MROH2A: variants seen among roughly 807,000 people sequenced by gnomAD.
The protein encoded by MROH2A is maestro heat-like repeat-containing protein family member 2A.
MROH2A carries 174 observed loss-of-function variants against 200.4 expected under a neutral mutation model. That is an observed-to-expected ratio of 0.87 (90% confidence interval 0.77 to 0.98). MROH2A has a LOEUF of 0.98. Among genes scored for constraint, MROH2A ranks in the 50% least tolerant of loss-of-function variants. The pLI is 0.00. For missense variants in MROH2A, 2,045 were observed against 2,139.6 expected, an observed-to-expected ratio of 0.96 and a Z score of 0.87; for synonymous variants, 829 against 840.4, an observed-to-expected ratio of 0.99 and a Z score of 0.23.
chr2:233,795,521 G>A lies in MROH2A; in HGVS notation c.967-132G>A, dbSNP rs555463587. 1.1e-4 allele frequency: 150 copies of A among 1,393,676 alleles called. 1 individual carries two copies. The South Asian group carries it at 1.9e-3, about 18-fold the overall frequency. The allele number at this position is 1,393,676 out of a possible 1,614,324, so 86.3% of individuals were successfully genotyped here. Reference sequence around the variant, plus strand: ...AGCAGGACTGGGGTAGGGCCTGAGAGTCTGCATTTCTAATCAGCTCCCAGG... The same window carrying A: ...AGCAGGACTGGGGTAGGGCCTGAGAATCTGCATTTCTAATCAGCTCCCAGG... On this transcript the variant is annotated intron_variant, in intron 8 of 41. Transcript: ENST00000389758.
At chr2:233,788,764 C>G (rs1031339278) in intron 3 of MROH2A, among the ~76,000 whole-genome samples, 3 of 151,362 alleles carry the variant, frequency 2.0e-5, no homozygotes, top group Admixed American at 6.6e-5. Context: ...GGTGAAACCC[C>G]GTCTCTACTA....
intron 22 of MROH2A, among the ~76,000 whole-genome samples, chr2:233,809,929 G>A (rs7578213): frequency 0.024 from 3,617 of 151,992 alleles, 141 homozygotes; most frequent in African/African-American, 0.083. Context: ...CCCAGCCCTG[G>A]CAACCACCTT....
intron 38 of MROH2A, among the ~76,000 whole-genome samples, chr2:233,830,478 G>T (rs1704651839): frequency 6.6e-6 from 1 of 152,220 alleles, no homozygotes; most frequent in Non-Finnish European, 1.5e-5. Flanking sequence ...TAACATGAAA[G>T]AAATGCAATG....
chr2:233,789,753 C>G (rs933059840), intron 4 of MROH2A, 99 bp from the exon 5 acceptor site: 2 of 1,478,560 alleles, frequency 1.4e-6, no homozygotes, highest in Non-Finnish European at 1.8e-6. Context: ...AGGCTGAGCC[C>G]AAGGGAACCA....
intron 22 of MROH2A, 29 bp downstream of exon 22, chr2:233,809,307 T>C (rs1287407890): frequency 1.3e-6 from 2 of 1,544,772 alleles, no homozygotes; most frequent in African/African-American, 2.7e-5. Context: ...TGGGGGGATG[T>C]CTTCTGGACC....
intron 31 of MROH2A, among the ~76,000 whole-genome samples, chr2:233,821,395 G>T (rs1703927566): frequency 6.6e-6 from 1 of 152,068 alleles, no homozygotes; most frequent in South Asian, 2.1e-4. Context: ...CAGGCCCCCA[G>T]GCACATCTCC....
chr2:233,789,460 G>A (rs1414156632), intron 3 of MROH2A, 37 bp from the exon 4 acceptor site: 1 of 1,366,038 alleles, frequency 7.3e-7, no homozygotes, highest in Non-Finnish European at 9.5e-7. Flanking sequence ...CTGGGGGCAG[G>A]GTGAGGTCCA....
At chr2:233,792,466 A>C (rs551732980) in intron 5 of MROH2A, among the ~76,000 whole-genome samples, 52 of 152,010 alleles carry the variant, frequency 3.4e-4, no homozygotes, top group South Asian at 2.1e-3. Flanking sequence ...GCGCCTGCCA[A>C]CACGCCCGGC....
In MROH2A at chr2:233,796,228, G is replaced by A; in HGVS notation, c.1167G>A (p.Lys389=). Residue 389 remains lysine (K), a synonymous_variant, in exon 11 of 42, where the codon AAG becomes AAA. Transcript: ENST00000389758. ...GCTCCTACCCCAAGGAGCTGATGAA[G>A]TTCTTCTTCAGCCAGATGGAGACAA... The part of the protein sequence containing the change: ...LARSYPKELM[K]FFFSQMETNK... 6.5e-7 allele frequency: 1 copy of A among 1,548,520 alleles called. No individual in the cohort carries two copies. Among genetic ancestry groups the A allele is most frequent in the Non-Finnish European group, 8.7e-7 (1 of 1,145,904 alleles).
In MROH2A at chr2:233,820,506, C is replaced by A. The variant is rs1703865840; in HGVS notation, c.3512+450C>A. Among the ~76,000 whole-genome samples, 1 of 152,160 alleles carries A rather than the reference C, an allele frequency of 6.6e-6. No homozygotes were observed. Among genetic ancestry groups the A allele is most frequent in the African/African-American group, 2.4e-5 (1 of 41,436 alleles). ...GTCTCCAAGGGGAGAATGGCCCAAC[C>A]TCCAGCCCCAGAGGTGGCCATGAGT... is the stretch of plus-strand genomic sequence containing the variant. On this transcript the variant is annotated intron_variant, in intron 31 of 41. Transcript: ENST00000389758. The surrounding 1 kb of genome is among the most constrained non-coding windows in gnomAD (Gnocchi z 4.1).
chr2:233,822,387 A>T lies in MROH2A; in HGVS notation c.3697A>T (p.Ile1233Phe). The part of the protein sequence containing the change: ...LMTLCTIHLL[I>F]QKLDENDKLP... ...GACCCTGTGCACCATCCACCTTCTCATTCAGAAGCTGGATGAGAATGACAA... is the reference window on the plus strand; with the variant it reads ...GACCCTGTGCACCATCCACCTTCTCTTTCAGAAGCTGGATGAGAATGACAA... The change falls in exon 33 of 42, where the codon ATT becomes TTT. Residue 1233 changes from isoleucine (I) to phenylalanine (F), a missense_variant. Coordinates refer to ENST00000389758, the MANE Select transcript of MROH2A (RefSeq NM_001394639.1). 1 of 1,550,848 alleles carries T rather than the reference A, an allele frequency of 6.4e-7. No homozygotes were observed. The highest frequency in any genetic ancestry group is 8.7e-7 in the Non-Finnish European group (1 of 1,146,944).
Position 233,828,814 on chromosome 2 carries a change from G to T in MROH2A, c.4263+35G>T, listed in dbSNP as rs369132226. 3.9e-6 allele frequency: 6 copies of T among 1,549,088 alleles called. No homozygotes were observed. The highest frequency in any genetic ancestry group is 5.2e-6 in the Non-Finnish European group (6 of 1,146,004). ...CTGGCCCTGGGCCCAGGTCCCGGGAGCTGAGGGTGCAGGCCGGGTGCCCTG... is the reference window on the plus strand; with the variant it reads ...CTGGCCCTGGGCCCAGGTCCCGGGATCTGAGGGTGCAGGCCGGGTGCCCTG... On this transcript the variant is annotated intron_variant, in intron 36 of 41. Transcript: ENST00000389758. This position sits in a 1 kb window ranked among gnomAD's most constrained non-coding sequence, Gnocchi z 4.6.
intron 11 of MROH2A, among the ~76,000 whole-genome samples, chr2:233,797,781 A>G (rs1422024960): frequency 6.6e-6 from 1 of 150,868 alleles, no homozygotes; most frequent in Non-Finnish European, 1.5e-5. Context: ...TCCCCTCCCT[A>G]TGTCCATGTG....
chr2:233,821,458 A>G (rs17863818), intron 31 of MROH2A, among the ~76,000 whole-genome samples: 5,344 of 152,312 alleles, frequency 0.035, 122 homozygotes, highest in Non-Finnish European at 0.054. Flanking sequence ...TGTGGGTTCC[A>G]ATAGTCAGTT....
intron 31 of MROH2A, among the ~76,000 whole-genome samples, chr2:233,821,736 G>A (rs995259413): frequency 6.6e-6 from 1 of 151,068 alleles, no homozygotes. Flanking sequence ...TCAAAGATGT[G>A]TTGGGAGGGT....
intron 38 of MROH2A, among the ~76,000 whole-genome samples, chr2:233,830,487 T>TTA (rs1704653535): frequency 6.6e-6 from 1 of 152,110 alleles, no homozygotes; most frequent in African/African-American, 2.4e-5. Flanking sequence ...AGAAATGCAA[T>TTA]GGTCATTTTC....
intron 3 of MROH2A, among the ~76,000 whole-genome samples, chr2:233,780,312 A>T (rs1449063028): frequency 6.6e-6 from 1 of 152,168 alleles, no homozygotes; most frequent in African/African-American, 2.4e-5. Context: ...TTTGGACTAG[A>T]CAAGGGTTTG....
At chr2:233,803,527 G>T (rs767959033) in intron 16 of MROH2A, 39 bp downstream of exon 16, 3 of 1,548,334 alleles carry the variant, frequency 1.9e-6, no homozygotes, top group Non-Finnish European at 2.6e-6. Flanking sequence ...GCCTGGCAAG[G>T]CCATGCCCTG....
intron 37 of MROH2A, 123 bp downstream of exon 37, chr2:233,829,195 G>A (rs191016873): frequency 1.1e-5 from 10 of 909,646 alleles, no homozygotes; most frequent in Admixed American, 9.3e-5. Context: ...TCAGTTTAGC[G>A]ACTGGCTGAT....
Sources: allele counts gnomAD v4.1 joint callset (sites outside exome capture counted in the v4.1 genomes callset), GRCh38; gene constraint gnomAD v4.1.1; non-coding constraint Gnocchi (gnomAD v3.1); transcripts MANE v1.5; gene names NCBI Gene and HGNC (gene_info 2026-07-23, HGNC 2026-07-21).